Variants in HDAC9 observed in about 807,000 individuals in gnomAD.
HDAC9 encodes the protein MEF-2 interacting transcription repressor (MITR) protein.
In HDAC9, 41 loss-of-function variants were observed where a neutral mutation model predicts 139.4. That is an observed-to-expected ratio of 0.29 (90% CI 0.23 to 0.38). The LOEUF is 0.38. Ranked by LOEUF, HDAC9 falls within the 10% of genes least tolerant of loss-of-function variation. HDAC9 has a pLI of 1.00. For missense variants in HDAC9, 1,147 were observed against 1,297.0 expected, an observed-to-expected ratio of 0.88 and a Z score of 1.78; for synonymous variants, 517 against 476.2, an observed-to-expected ratio of 1.09 and a Z score of -1.12.
chr7:18,481,634 G>C (rs1454787572), intron 1 of HDAC9, among the ~76,000 whole-genome samples: 4 of 152,160 alleles, frequency 2.6e-5, no homozygotes, highest in African/African-American at 9.7e-5. Flanking sequence ...TTCATTCTAG[G>C]CTTTGAAAAG....
chr7:18,712,556 T>C (rs1206978666), intron 12 of HDAC9, among the ~76,000 whole-genome samples: 2 of 152,162 alleles, frequency 1.3e-5, no homozygotes, highest in Non-Finnish European at 2.9e-5. Context: ...ATGAGAACTG[T>C]TTTAGCCTTT....
intron 11 of HDAC9, among the ~76,000 whole-genome samples, chr7:18,665,187 G>T (rs539097343): frequency 6.6e-6 from 1 of 152,130 alleles, no homozygotes; most frequent in Non-Finnish European, 1.5e-5. Flanking sequence ...CATGTTTATG[G>T]TGGTAGTATT....
At chr7:18,237,119 G>A (rs994223383) in intron 2 of HDAC9, among the ~76,000 whole-genome samples, 1 of 152,170 alleles carries the variant, frequency 6.6e-6, no homozygotes, top group African/African-American at 2.4e-5. Flanking sequence ...CCGCATCTTT[G>A]GCAGGCTGGC....
chr7:18,631,445 G>C (rs572202459), intron 7 of HDAC9, among the ~76,000 whole-genome samples: 1 of 152,078 alleles, frequency 6.6e-6, no homozygotes, highest in South Asian at 2.1e-4. Context: ...CCATTGCTCT[G>C]CCAACTTTCA....
At chr7:18,934,668 A>C (rs1020061756) in intron 22 of HDAC9, among the ~76,000 whole-genome samples, 1 of 152,180 alleles carries the variant, frequency 6.6e-6, no homozygotes. Context: ...CCCACTTGGC[A>C]AACCATACCA....
chr7:18,875,168 T>G (rs1233248537), intron 22 of HDAC9, among the ~76,000 whole-genome samples: 2 of 152,064 alleles, frequency 1.3e-5, no homozygotes, highest in African/African-American at 4.8e-5. Context: ...AGAAATAAAT[T>G]TTATGTTACA....
chr7:18,267,120 A>T (rs889001094), intron 2 of HDAC9, among the ~76,000 whole-genome samples: 6 of 152,140 alleles, frequency 3.9e-5, no homozygotes, highest in Admixed American at 1.3e-4. Context: ...GGTCATATCT[A>T]AAAGACATGG....
chr7:18,766,200 T>C (rs1174384989), intron 15 of HDAC9, among the ~76,000 whole-genome samples: 1 of 152,214 alleles, frequency 6.6e-6, no homozygotes, highest in East Asian at 1.9e-4. Flanking sequence ...GAGTGACATG[T>C]CAGAGTCCCT....
At chr7:18,985,099 T>A (rs577356345) in intron 25 of HDAC9, among the ~76,000 whole-genome samples, 4 of 152,244 alleles carry the variant, frequency 2.6e-5, no homozygotes, top group South Asian at 4.1e-4. Context: ...ATACTTTAAG[T>A]TTTAGGGTAC....
intron 25 of HDAC9, among the ~76,000 whole-genome samples, chr7:18,990,568 G>A (rs991909487): frequency 5.3e-5 from 8 of 152,238 alleles, no homozygotes; most frequent in African/African-American, 1.9e-4. Flanking sequence ...AGCTGTGGTG[G>A]GCTCCACCCA....
chr7:18,901,667 T>C (rs1801737858), intron 22 of HDAC9, among the ~76,000 whole-genome samples: 1 of 152,224 alleles, frequency 6.6e-6, no homozygotes, highest in South Asian at 2.1e-4. Flanking sequence ...AATATGGCCA[T>C]GAACCAACTA....
chr7:18,998,818 T>G lies in HDAC9; in HGVS notation c.*2756T>G, dbSNP rs866365346. 3 of 152,160 alleles carry G rather than the reference T, an allele frequency of 2.0e-5. No homozygotes were observed. The South Asian group carries it at 6.2e-4, about 32-fold the overall frequency. 9.4% of individuals were successfully genotyped at this position (152,160 alleles called of 1,614,324 possible). On this transcript the variant is annotated 3_prime_UTR_variant, in exon 26 of 26. Coordinates refer to ENST00000686413, the MANE Select transcript of HDAC9 (RefSeq NM_178425.4). Reference sequence around the variant, plus strand: ...CTCATGGTATCTCATACAGGGTGAATAAAAATGATTTTTGATAAATCTACT... The same window carrying G: ...CTCATGGTATCTCATACAGGGTGAAGAAAAATGATTTTTGATAAATCTACT...
chr7:18,450,322 C>G (rs1792698500), intron 1 of HDAC9, among the ~76,000 whole-genome samples: 1 of 152,112 alleles, frequency 6.6e-6, no homozygotes, highest in Non-Finnish European at 1.5e-5. Context: ...AACCCTAGCT[C>G]TTTGATATTT....
At chr7:18,518,120 ATTAT>A (rs1303767916) in intron 2 of HDAC9, 1 of 152,170 alleles carries the variant, frequency 6.6e-6, no homozygotes, top group Admixed American at 6.5e-5. Flanking sequence ...TTAAAAGGAC[ATTAT>A]TTATTATTAT....
intron 25 of HDAC9, among the ~76,000 whole-genome samples, chr7:18,984,662 T>C (rs577195898): frequency 6.8e-4 from 104 of 152,182 alleles, no homozygotes; most frequent in African/African-American, 2.4e-3. Context: ...ATTCATGAAA[T>C]ATCAATGAAA....
intron 2 of HDAC9, among the ~76,000 whole-genome samples, chr7:18,173,396 C>G (rs1189415865): frequency 6.6e-6 from 1 of 152,172 alleles, no homozygotes; most frequent in South Asian, 2.1e-4. Context: ...TGGGTCTTGA[C>G]TCTTTATCCA....
chr7:18,268,447 T>C (rs1796133579), intron 2 of HDAC9, among the ~76,000 whole-genome samples: 2 of 152,034 alleles, frequency 1.3e-5, no homozygotes, highest in East Asian at 1.9e-4. Context: ...CATTTCCAGC[T>C]GAGTTTAAGA....
At chr7:18,973,864 T>C (rs954387603) in intron 24 of HDAC9, among the ~76,000 whole-genome samples, 4 of 152,200 alleles carry the variant, frequency 2.6e-5, no homozygotes, top group African/African-American at 7.2e-5. Flanking sequence ...CTGCCCCCAC[T>C]GTTATCACCT....
At chr7:18,546,881 T>C (rs77418441) in intron 2 of HDAC9, among the ~76,000 whole-genome samples, 2 of 152,132 alleles carry the variant, frequency 1.3e-5, no homozygotes, top group Non-Finnish European at 2.9e-5. Flanking sequence ...AGAGACCCCG[T>C]GGATAATCAT....
Sources: gnomAD v4.1 joint callset for allele counts (sites outside exome capture counted in the v4.1 genomes callset) on GRCh38, gnomAD v4.1.1 for gene constraint, MANE v1.5 for transcripts, NCBI Gene and HGNC (gene_info 2026-07-23, HGNC 2026-07-21) for gene names.